Variants in SDK1 observed in about 807,000 individuals in gnomAD.
The protein encoded by SDK1 is protein sidekick-1.
A neutral mutation model predicts 245.5 loss-of-function variants in SDK1; 157 were observed. The observed-to-expected ratio is 0.64, with a 90% CI of 0.56 to 0.73. SDK1 has a LOEUF of 0.73. Among genes scored for constraint, SDK1 ranks in the 30% least tolerant of loss-of-function variants. SDK1 has a pLI of 0.00. For synonymous variants in SDK1, 1,647 were observed against 1,278.5 expected (o/e 1.29, Z -6.15); for missense variants, 3,583 against 3,002.3 (o/e 1.19, Z -4.52).
chr7:4,000,799 CAT>C (rs1231014473), intron 14 of SDK1, among the ~76,000 whole-genome samples: 1 of 152,214 alleles, frequency 6.6e-6, no homozygotes, highest in East Asian at 1.9e-4. Context: ...GGGAGCATTT[CAT>C]ATTTTAGCTC....
At position 3,999,424 on chromosome 7, in the gene SDK1, C is replaced by T. The variant is rs547206717; in HGVS notation, c.2132-11542C>T. On this transcript the variant is annotated intron_variant, in intron 14 of 44. Coordinates refer to ENST00000404826, the MANE Select transcript of SDK1 (RefSeq NM_152744.4). ...GAGGGGGCGTCGGGTAGTATGTGAT[C>T]GCTTGCCAGGAAAGTGGATCTGAGG... Among the ~76,000 whole-genome samples the T allele has an allele frequency of 3.9e-5, 6 of 152,314 alleles. No individual in the cohort carries two copies. In the South Asian group the frequency reaches 1.2e-3, roughly 32 times the overall value.
At chr7:3,395,819 A>G (rs1289424640) in intron 1 of SDK1, among the ~76,000 whole-genome samples, 2 of 151,894 alleles carry the variant, frequency 1.3e-5, no homozygotes, top group Non-Finnish European at 2.9e-5. Context: ...GTGAGGGGTC[A>G]GTGGTAATCA....
At chr7:3,354,936 C>T (rs1300091206) in intron 1 of SDK1, among the ~76,000 whole-genome samples, 1 of 152,244 alleles carries the variant, frequency 6.6e-6, no homozygotes, top group Non-Finnish European at 1.5e-5. Context: ...CACCAGCCAA[C>T]ACTCACTACA....
chr7:3,561,559 A>G (rs1348190382), intron 1 of SDK1, among the ~76,000 whole-genome samples: 7 of 152,262 alleles, frequency 4.6e-5, no homozygotes, highest in South Asian at 4.2e-4. Flanking sequence ...ATTTCCCTAA[A>G]TGGTAGTTAC....
chr7:3,372,203 C>T (rs950467132), intron 1 of SDK1, among the ~76,000 whole-genome samples: 16 of 152,130 alleles, frequency 1.1e-4, no homozygotes, highest in African/African-American at 3.6e-4. Context: ...GAGTCTGGAG[C>T]AGTGCGAAGT....
chr7:4,112,604 A>G (rs1294167422), intron 23 of SDK1, among the ~76,000 whole-genome samples: 1 of 152,102 alleles, frequency 6.6e-6, no homozygotes, highest in East Asian at 1.9e-4. Context: ...GTTATCCTAA[A>G]CTTGAATCAG....
At chr7:4,114,564 T>A (rs1205216781) in intron 25 of SDK1, among the ~76,000 whole-genome samples, 1 of 152,226 alleles carries the variant, frequency 6.6e-6, no homozygotes, top group Non-Finnish European at 1.5e-5. Context: ...AAAGCAAGAA[T>A]GTGTAAAGTT....
chr7:3,598,261 C>A (rs1781132685), intron 1 of SDK1, among the ~76,000 whole-genome samples: 4 of 152,176 alleles, frequency 2.6e-5, no homozygotes, highest in African/African-American at 9.7e-5. Flanking sequence ...TCTTTTCTAT[C>A]ATTGATGAGT....
rs1449062119 is a variant in SDK1, at chr7:4,241,816, G to C, written c.6154G>C (p.Glu2052Gln). The C allele has an allele frequency of 6.2e-7, 1 of 1,614,074 alleles. No individual in the cohort carries two copies. Among genetic ancestry groups the C allele is most frequent in the African/African-American group, 1.3e-5 (1 of 74,938 alleles). ...STGKGISTME[E>Q]SVTLDNGGFA... ...AGGAAAGGGGATCTCCACCATGGAGGAGTCTGTGACCCTGGACAACGGAGG... is the reference window on the plus strand; with the variant it reads ...AGGAAAGGGGATCTCCACCATGGAGCAGTCTGTGACCCTGGACAACGGAGG... The change falls in exon 43 of 45, where the codon GAG becomes CAG. Residue 2052 changes from glutamate to glutamine, a missense_variant. Coordinates refer to ENST00000404826, the MANE Select transcript of SDK1 (RefSeq NM_152744.4).
intron 1 of SDK1, among the ~76,000 whole-genome samples, chr7:3,347,416 C>G (rs7798418): frequency 0.44 from 66,370 of 151,806 alleles, 14,538 homozygotes; most frequent in East Asian, 0.52. Flanking sequence ...CTTACTATGC[C>G]TTTCCCAGAA....
At chr7:3,640,157 T>G (rs1782605520) in intron 3 of SDK1, among the ~76,000 whole-genome samples, 1 of 152,226 alleles carries the variant, frequency 6.6e-6, no homozygotes, top group Admixed American at 6.5e-5. Flanking sequence ...TTGGCTTGTT[T>G]TACTATATTT....
intron 8 of SDK1, among the ~76,000 whole-genome samples, chr7:3,960,742 T>C (rs1255563713): frequency 6.6e-6 from 1 of 152,148 alleles, no homozygotes; most frequent in Admixed American, 6.5e-5. Flanking sequence ...TGATTCGGCA[T>C]AGGGGAGGGG....
intron 4 of SDK1, among the ~76,000 whole-genome samples, chr7:3,738,411 C>G (rs1231394147): frequency 6.6e-5 from 10 of 152,206 alleles, no homozygotes; most frequent in Non-Finnish European, 4.4e-5. Flanking sequence ...TTGTATGCCT[C>G]TCTCTGTGCC....
At chr7:3,498,141 C>T (rs575205402) in intron 1 of SDK1, among the ~76,000 whole-genome samples, 2 of 152,186 alleles carry the variant, frequency 1.3e-5, no homozygotes, top group Non-Finnish European at 2.9e-5. Context: ...ATTTGGGCCT[C>T]TTTGTAAAAT....
rs143128560 is a variant in SDK1 at position 4,145,375 on chromosome 7, G to A, written c.4229-347G>A. ...ACGGGGAGAGCCAGACTGCAGGAGG[G>A]AGGGAGAGGCAGAGACTGAGAAGCC... On this transcript the variant is annotated intron_variant, in intron 28 of 44. Coordinates refer to ENST00000404826, the MANE Select transcript of SDK1 (RefSeq NM_152744.4). 1.2e-3 allele frequency among the ~76,000 whole-genome samples: 186 copies of A among 152,282 alleles called. 1 individual carries two copies. The highest frequency in any genetic ancestry group is 2.4e-3 in the Non-Finnish European group (160 of 68,008).
intron 1 of SDK1, among the ~76,000 whole-genome samples, chr7:3,519,657 G>A (rs1199957179): frequency 1.3e-5 from 2 of 152,088 alleles, no homozygotes; most frequent in African/African-American, 4.8e-5. Context: ...TCCAGTTTTA[G>A]TCTGTCTCTG....
chr7:4,180,110 G>A (rs1036625199), intron 35 of SDK1, among the ~76,000 whole-genome samples: 2 of 152,068 alleles, frequency 1.3e-5, no homozygotes, highest in Non-Finnish European at 2.9e-5. Context: ...GGGGAGTCGC[G>A]CCAGGGCCAG....
In SDK1 at chr7:3,703,079, AAAT is replaced by A. The variant is rs1342217595; in HGVS notation, c.713+60975_713+60977del. Among the ~76,000 whole-genome samples, 523 of 151,344 alleles carry A rather than the reference AAAT, an allele frequency of 3.5e-3. 2 individuals are homozygous for A. The highest frequency in any genetic ancestry group is 0.011 in the African/African-American group (457 of 40,834). On this transcript the variant is annotated intron_variant, in intron 4 of 44. Coordinates refer to ENST00000404826, the MANE Select transcript of SDK1 (RefSeq NM_152744.4). ...CTGTCTCAAAAAAAAAAAAAAAAAA[AAAT>A]GTATGCCGACGATACGACTTAGTTC...
intron 1 of SDK1, among the ~76,000 whole-genome samples, chr7:3,504,176 A>ATGTGTGTGTGTG (rs1453810894): frequency 4.3e-4 from 25 of 58,324 alleles, no homozygotes; most frequent in African/African-American, 1.5e-3. Flanking sequence ...AATTATATAT[A>ATGTGTGTGTGTG]TATATATGTG....
Sources: gnomAD v4.1 joint callset for allele counts (sites outside exome capture counted in the v4.1 genomes callset) on GRCh38, gnomAD v4.1.1 for gene constraint, MANE v1.5 for transcripts, NCBI Gene and HGNC (gene_info 2026-07-23, HGNC 2026-07-21) for gene names.